The following MMEL1 variants were observed in gnomAD, a reference collection of about 807,000 sequenced individuals.
MMEL1 encodes the protein membrane metallo-endopeptidase-like 1.
MMEL1 carries 98 observed loss-of-function variants against 117.1 expected under a neutral mutation model. The ratio of observed to expected loss-of-function variants is 0.84; its 90% CI spans 0.71 to 0.99. The LOEUF (loss-of-function observed/expected upper bound fraction) is 0.99. MMEL1 is among the 50% of genes least tolerant of loss of function. The pLI, the probability that MMEL1 is intolerant of heterozygous loss-of-function variation, is 0.00. For synonymous variants in MMEL1, 390 were observed against 415.1 expected (o/e 0.94, Z 0.74); for missense variants, 1,014 against 1,049.1 (o/e 0.97, Z 0.46).
At chr1:2,623,783 C>G (rs980862850) in intron 2 of MMEL1, among the ~76,000 whole-genome samples, 31 of 152,218 alleles carry the variant, frequency 2.0e-4, no homozygotes, top group Non-Finnish European at 3.8e-4. Flanking sequence ...AGGCAGGGAC[C>G]TGCTTTGGCT....
intron 2 of MMEL1, among the ~76,000 whole-genome samples, chr1:2,617,746 T>C (rs1299396680): frequency 1.3e-5 from 2 of 152,170 alleles, no homozygotes; most frequent in Admixed American, 6.5e-5. Flanking sequence ...GACAGCTCTG[T>C]TCTTCTAAGA....
At chr1:2,614,402 C>T (rs1645172905) in intron 2 of MMEL1, among the ~76,000 whole-genome samples, 2 of 152,168 alleles carry the variant, frequency 1.3e-5, no homozygotes, top group African/African-American at 2.4e-5. Context: ...AACTCTGAAA[C>T]CACTGCACAT....
At chr1:2,606,877 G>T in intron 7 of MMEL1, 97 bp downstream of exon 7, 1 of 1,113,726 alleles carries the variant, frequency 9.0e-7, no homozygotes, top group Non-Finnish European at 1.3e-6. Flanking sequence ...GCTGGGGGTG[G>T]GGGTGGGGTC....
intron 4 of MMEL1, 75 bp downstream of exon 4, chr1:2,611,206 C>A: frequency 1.4e-6 from 2 of 1,431,420 alleles, no homozygotes; most frequent in Non-Finnish European, 1.9e-6. Context: ...GGGCCTTGGG[C>A]GGGGCCTACG....
chr1:2,596,821 A>T, intron 13 of MMEL1, 132 bp from the exon 14 acceptor site: 1 of 1,021,038 alleles, frequency 9.8e-7, no homozygotes, highest in Non-Finnish European at 1.4e-6. Context: ...TAGCGGGGGC[A>T]CGGGATGATC....
Position 2,594,459 on chromosome 1 carries a change from C to T in MMEL1, c.1689-16G>A, listed in dbSNP as rs558554126. On this transcript the variant is annotated splice_polypyrimidine_tract_variant and intron_variant, in intron 17 of 23. Transcript: ENST00000378412. ...GATGATCCAGCTGTGATAGACAAGC[C>T]GGTCTCTGGGAGCCGCCTCTCCGGG... is the stretch of plus-strand genomic sequence containing the variant. 37 of 1,551,366 alleles carry T rather than the reference C, an allele frequency of 2.4e-5. No individual in the cohort carries two copies. The highest frequency in any genetic ancestry group is 5.9e-5 in the Admixed American group (3 of 51,014).
rs182639804 is a variant in MMEL1 at position 2,601,291 on chromosome 1, A to G, written c.1042-2501T>C. Among the ~76,000 whole-genome samples, 3 of 152,274 alleles carry G rather than the reference A, an allele frequency of 2.0e-5. No individual in the cohort carries two copies. In the East Asian group the frequency reaches 5.8e-4, roughly 29 times the overall value. ...GGGGCAAAAGAGAGTCCAGAAATAT[A>G]CATATGGGCCCACGCATAGACACAC... On this transcript the variant is annotated intron_variant, in intron 11 of 23. Coordinates refer to ENST00000378412, the MANE Select transcript of MMEL1 (RefSeq NM_033467.4).
chr1:2,593,846 C>T lies in MMEL1; in HGVS notation c.1835G>A (p.Gly612Glu). ...LNFGGIGMVI[G>E]HEITHGFDDN... ...GTCAAAGCCGTGCGTGATCTCGTGC[C>T]CGATCACCATCCCAATGCCTCCAAA... The change falls in exon 19 of 24, where the codon GGG (glycine) becomes GAG (glutamate). Residue 612 changes from glycine to glutamate, a missense_variant. Gly to Glu is a moderately conservative substitution (Grantham distance 98). Transcript: ENST00000378412. The T allele has an allele frequency of 6.2e-7, 1 of 1,612,250 alleles. No homozygotes were observed. Among genetic ancestry groups the T allele is most frequent in the Non-Finnish European group, 8.5e-7 (1 of 1,179,004 alleles).
intron 19 of MMEL1, 148 bp from the exon 20 acceptor site, chr1:2,593,114 G>C: frequency 9.8e-7 from 1 of 1,021,304 alleles, no homozygotes. Flanking sequence ...GAGCCTGGAA[G>C]AGCATCGCGG....
intron 2 of MMEL1, among the ~76,000 whole-genome samples, chr1:2,617,753 A>C (rs889529772): frequency 1.3e-5 from 2 of 152,196 alleles, no homozygotes; most frequent in Middle Eastern, 3.2e-3. Context: ...CTGTTCTTCT[A>C]AGAGAAAAAG....
intron 1 of MMEL1, chr1:2,632,651 A>C (rs1638645331): frequency 5.7e-6 from 1 of 176,616 alleles, no homozygotes; most frequent in Non-Finnish European, 1.2e-5. Flanking sequence ...AGGTTACTAC[A>C]GATGGGGGAC....
At chr1:2,626,545 TAAAACTTTATATACAAAAAG>T (rs1296567412) in intron 2 of MMEL1, among the ~76,000 whole-genome samples, 1 of 152,244 alleles carries the variant, frequency 6.6e-6, no homozygotes, top group African/African-American at 2.4e-5. Context: ...TGTGTTCCAA[TAAAACTTTATATACAAAAAG>T]AAGCAAGGGG....
At chr1:2,619,826 A>T (rs1045575495) in intron 2 of MMEL1, among the ~76,000 whole-genome samples, 2 of 152,228 alleles carry the variant, frequency 1.3e-5, no homozygotes, top group African/African-American at 4.8e-5. Context: ...ATAACAGAAC[A>T]GAAGATTTAG....
At position 2,609,703 on chromosome 1, in the gene MMEL1, C is replaced by A. The variant is rs562843832; in HGVS notation, c.421G>T (p.Val141Phe). The change falls in exon 5 of 24, where the codon GTC becomes TTC. Residue 141 changes from valine (V) to phenylalanine (F), a missense_variant. Transcript: ENST00000378412. ...ETNSRYSIFD[V>F]LRDELEVILK... ...ATGACCTCCAGCTCGTCGCGGAGGA[C>A]GTCAAAGATGCTGTATCTTGAGTTG... 1 of 1,613,048 alleles carries A rather than the reference C, an allele frequency of 6.2e-7. No individual in the cohort carries two copies. Among genetic ancestry groups the A allele is most frequent in the East Asian group, 2.2e-5 (1 of 44,878 alleles).
chr1:2,592,127 CCT>C, intron 21 of MMEL1, 100 bp from the exon 22 acceptor site: 1 of 940,982 alleles, frequency 1.1e-6, no homozygotes, highest in Non-Finnish European at 1.6e-6. Context: ...AGGACCTACC[CCT>C]GTGGGGGTCC....
At chr1:2,605,507 G>T in intron 9 of MMEL1, 51 bp downstream of exon 9, 1 of 1,538,460 alleles carries the variant, frequency 6.5e-7, no homozygotes, top group Non-Finnish European at 9.0e-7. Flanking sequence ...CAGACCACGG[G>T]GTAGGGGGTG....
intron 2 of MMEL1, among the ~76,000 whole-genome samples, chr1:2,625,408 C>T (rs1042046232): frequency 6.6e-6 from 1 of 152,192 alleles, no homozygotes; most frequent in Non-Finnish European, 1.5e-5. Flanking sequence ...GGCTCTGCAA[C>T]AGGTCCAGGC....
intron 23 of MMEL1, 104 bp downstream of exon 23, chr1:2,591,453 T>C (rs1644703955): frequency 1.1e-6 from 1 of 927,890 alleles, no homozygotes. Context: ...AAAATAAACC[T>C]GTCTCTGTTG....
rs1213814648 is a variant in MMEL1 at position 2,598,797 on chromosome 1, A to T, written c.1042-7T>A. The T allele has an allele frequency of 9.3e-6, 15 of 1,606,218 alleles. No homozygotes were observed. Among genetic ancestry groups the T allele is most frequent in the Non-Finnish European group, 1.3e-5 (15 of 1,173,692 alleles). On this transcript the variant is annotated splice_polypyrimidine_tract_variant and splice_region_variant and intron_variant, in intron 11 of 23. Transcript: ENST00000378412. ...ACAGAGTCCAGTTAAATCCCTGCAG[A>T]TAGAGGAAGTGGGGAGAAAGAGGGA...
Sources: gnomAD v4.1 joint callset for allele counts (sites outside exome capture counted in the v4.1 genomes callset) on GRCh38, gnomAD v4.1.1 for gene constraint, MANE v1.5 for transcripts, NCBI Gene and HGNC (gene_info 2026-07-23, HGNC 2026-07-21) for gene names.